ENOX1: variants seen among roughly 807,000 people sequenced by gnomAD.
ENOX1 encodes candidate growth-related and time keeping constitutive hydroquinone (NADH) oxidase.
ENOX1 carries 42 observed loss-of-function variants against 82.5 expected under a neutral mutation model. The observed-to-expected ratio is 0.51, with a 90% CI of 0.40 to 0.66. The LOEUF is 0.66. Ranked by LOEUF, ENOX1 falls within the 30% of genes least tolerant of loss-of-function variation. The pLI is 0.00. For missense variants in ENOX1, 608 were observed against 811.6 expected (o/e 0.75, Z 3.05); for synonymous variants, 271 against 282.2 (o/e 0.96, Z 0.40).
chr13:43,649,827 GC>G (rs980304410), intron 2 of ENOX1, among the ~76,000 whole-genome samples: 16 of 152,258 alleles, frequency 1.1e-4, no homozygotes, highest in African/African-American at 3.6e-4. Flanking sequence ...TGTATTTAAG[GC>G]AACAGCCTAA....
intron 3 of ENOX1, among the ~76,000 whole-genome samples, chr13:43,440,611 T>G (rs2056307470): frequency 6.6e-6 from 1 of 152,124 alleles, no homozygotes; most frequent in African/African-American, 2.4e-5. Context: ...CTCATGTAGT[T>G]TCCATAAAAA....
intron 11 of ENOX1, among the ~76,000 whole-genome samples, chr13:43,312,618 G>T (rs74065280): frequency 2.2e-4 from 33 of 152,174 alleles, no homozygotes; most frequent in Non-Finnish European, 4.3e-4. Flanking sequence ...ACATAACACA[G>T]CAGTGAACAT....
chr13:43,771,508 T>C (rs1951600799), intron 1 of ENOX1, among the ~76,000 whole-genome samples: 1 of 152,080 alleles, frequency 6.6e-6, no homozygotes, highest in South Asian at 2.1e-4. Flanking sequence ...AAGTACATTA[T>C]ATACATTTTG....
chr13:43,768,272 A>G (rs1951400271), intron 1 of ENOX1, among the ~76,000 whole-genome samples: 1 of 149,222 alleles, frequency 6.7e-6, no homozygotes. Flanking sequence ...AATCTTCACC[A>G]ATCAAATTTT....
Position 43,259,891 on chromosome 13 carries a change from G to A in ENOX1, c.1611+5507C>T, listed in dbSNP as rs141468603. Among the ~76,000 whole-genome samples the A allele has an allele frequency of 1.7e-3, 265 of 152,320 alleles. 2 individuals carry two copies. The highest frequency in any genetic ancestry group is 6.2e-3 in the African/African-American group (258 of 41,568). On this transcript the variant is annotated intron_variant, in intron 14 of 16. Coordinates refer to ENST00000690772, the MANE Select transcript of ENOX1 (RefSeq NM_001347969.2). ...TCAAGATCGGGGCCCCTAAGACCAA[G>A]CAGCAAGTTCTGGGAAGAAAGAATC... is the stretch of plus-strand genomic sequence containing the variant.
At chr13:43,613,849 T>C (rs2082296007) in intron 2 of ENOX1, among the ~76,000 whole-genome samples, 1 of 152,248 alleles carries the variant, frequency 6.6e-6, no homozygotes, top group Admixed American at 6.5e-5. Context: ...AATAATCGCT[T>C]GAGCCCCGGA....
chr13:43,591,652 G>A (rs2081250713), intron 2 of ENOX1, among the ~76,000 whole-genome samples: 1 of 151,762 alleles, frequency 6.6e-6, no homozygotes, highest in Non-Finnish European at 1.5e-5. Context: ...TCTTTTATAT[G>A]TATGTAATGT....
intron 9 of ENOX1, among the ~76,000 whole-genome samples, chr13:43,328,263 T>A (rs1398066609): frequency 6.6e-6 from 1 of 152,192 alleles, no homozygotes; most frequent in South Asian, 2.1e-4. Flanking sequence ...GCATGTTTTG[T>A]CTGTACACAG....
At chr13:43,464,399 T>C (rs2057628198) in intron 3 of ENOX1, among the ~76,000 whole-genome samples, 1 of 152,074 alleles carries the variant, frequency 6.6e-6, no homozygotes, top group South Asian at 2.1e-4. Flanking sequence ...GCAGTACTTT[T>C]CAGAATATGT....
chr13:43,534,120 T>C (rs2078349378), intron 2 of ENOX1, among the ~76,000 whole-genome samples: 1 of 151,460 alleles, frequency 6.6e-6, no homozygotes, highest in Admixed American at 6.6e-5. Flanking sequence ...TAATCCAACA[T>C]ACCCTTTCCG....
At chr13:43,718,928 T>C (rs1418385907) in intron 1 of ENOX1, among the ~76,000 whole-genome samples, 2 of 152,138 alleles carry the variant, frequency 1.3e-5, no homozygotes, top group Non-Finnish European at 2.9e-5. Context: ...AAAACTACAT[T>C]AAGATCAGAT....
intron 11 of ENOX1, among the ~76,000 whole-genome samples, chr13:43,299,286 A>T (rs1482261736): frequency 6.6e-6 from 1 of 152,170 alleles, no homozygotes; most frequent in African/African-American, 2.4e-5. Context: ...AAATAGCCGA[A>T]ACTGAAAAAG....
intron 16 of ENOX1, among the ~76,000 whole-genome samples, chr13:43,214,365 G>A (rs2041351583): frequency 6.6e-6 from 1 of 152,100 alleles, no homozygotes. Context: ...CCCTTCATAT[G>A]GATGGCTACC....
intron 8 of ENOX1, among the ~76,000 whole-genome samples, chr13:43,350,887 A>G (rs902629959): frequency 1.3e-5 from 2 of 152,208 alleles, no homozygotes; most frequent in Non-Finnish European, 2.9e-5. Flanking sequence ...CTGGGTCTAT[A>G]AAGGAACAAT....
At chr13:43,629,354 A>C (rs2083107414) in intron 2 of ENOX1, among the ~76,000 whole-genome samples, 1 of 152,162 alleles carries the variant, frequency 6.6e-6, no homozygotes, top group Admixed American at 6.5e-5. Context: ...GTCTGTGCCC[A>C]TTGGTATTCC....
intron 2 of ENOX1, among the ~76,000 whole-genome samples, chr13:43,573,861 T>C (rs1464980657): frequency 1.3e-5 from 2 of 152,146 alleles, no homozygotes; most frequent in Non-Finnish European, 2.9e-5. Flanking sequence ...ATGGGAAAAG[T>C]GAGATAAACT....
chr13:43,320,092 C>A (rs1292455654), intron 11 of ENOX1, among the ~76,000 whole-genome samples: 1 of 152,188 alleles, frequency 6.6e-6, no homozygotes, highest in African/African-American at 2.4e-5. Flanking sequence ...CAGGCTGTGT[C>A]CCCAAATATG....
At position 43,398,712 on chromosome 13, in the gene ENOX1, C is replaced by T. The variant is rs533313190; in HGVS notation, c.208+13204G>A. Among the ~76,000 whole-genome samples the T allele has an allele frequency of 2.0e-5, 3 of 152,002 alleles. No individual in the cohort carries two copies. The East Asian group carries it at 5.8e-4, about 29-fold the overall frequency. Reference sequence around the variant, plus strand: ...CCTTTTCCTCCTCCTCCCAGCCTACCCAACGTGAAGACGAGGAGCATGGAG... The same window carrying T: ...CCTTTTCCTCCTCCTCCCAGCCTACTCAACGTGAAGACGAGGAGCATGGAG... On this transcript the variant is annotated intron_variant, in intron 5 of 16. Coordinates refer to ENST00000690772, the MANE Select transcript of ENOX1 (RefSeq NM_001347969.2).
At chr13:43,660,860 A>G (rs866217868) in intron 2 of ENOX1, among the ~76,000 whole-genome samples, 9 of 152,322 alleles carry the variant, frequency 5.9e-5, no homozygotes, top group Middle Eastern at 3.4e-3. Context: ...TGGGGAATAC[A>G]ATTTATTTTA....
Sources: gnomAD v4.1 joint callset for allele counts (sites outside exome capture counted in the v4.1 genomes callset) on GRCh38, gnomAD v4.1.1 for gene constraint, MANE v1.5 for transcripts, NCBI Gene and HGNC (gene_info 2026-07-23, HGNC 2026-07-21) for gene names.